The following AKAP6 variants were observed in gnomAD, a reference collection of about 807,000 sequenced individuals.
AKAP6 encodes the protein A-kinase anchoring protein 6, also known as A-kinase anchor protein 6.
In AKAP6, 58 loss-of-function variants were observed where a neutral mutation model predicts 188.5. The observed-to-expected ratio is 0.31, with a 90% CI of 0.25 to 0.38. The LOEUF (loss-of-function observed/expected upper bound fraction) is 0.38. Among genes scored for constraint, AKAP6 ranks in the 10% least tolerant of loss-of-function variants. AKAP6 has a pLI of 1.00. For synonymous variants in AKAP6, 989 were observed against 998.6 expected (o/e 0.99, Z 0.18); for missense variants, 2,710 against 2,740.0 (o/e 0.99, Z 0.24).
At chr14:32,767,993 C>G (rs2032770539) in intron 11 of AKAP6, among the ~76,000 whole-genome samples, 1 of 152,178 alleles carries the variant, frequency 6.6e-6, no homozygotes. Context: ...GCCACCAGCT[C>G]TTAAGAACAG....
At chr14:32,465,954 C>A (rs1269939587) in intron 2 of AKAP6, among the ~76,000 whole-genome samples, 2 of 152,160 alleles carry the variant, frequency 1.3e-5, no homozygotes, top group African/African-American at 2.4e-5. Context: ...GACATTTATG[C>A]AGCCAACAAA....
intron 13 of AKAP6, among the ~76,000 whole-genome samples, chr14:32,825,531 G>A (rs548709969): frequency 6.6e-6 from 1 of 152,270 alleles, no homozygotes; most frequent in South Asian, 2.1e-4. Context: ...AAGGTGACAG[G>A]CTGATTTCCA....
At chr14:32,621,604 T>C (rs1886817479) in intron 7 of AKAP6, among the ~76,000 whole-genome samples, 1 of 152,150 alleles carries the variant, frequency 6.6e-6, no homozygotes, top group African/African-American at 2.4e-5. Context: ...ATGGTCTATC[T>C]TGGAGAATGT....
intron 7 of AKAP6, among the ~76,000 whole-genome samples, chr14:32,673,429 T>C (rs1487691606): frequency 6.6e-6 from 1 of 152,148 alleles, no homozygotes; most frequent in Non-Finnish European, 1.5e-5. Flanking sequence ...TCAGTAAACA[T>C]ATGAGTAATA....
chr14:32,517,581 G>A (rs149467970), intron 2 of AKAP6, among the ~76,000 whole-genome samples: 7 of 152,312 alleles, frequency 4.6e-5, no homozygotes, highest in African/African-American at 1.4e-4. Context: ...CTATGCCCAC[G>A]GAGCCTCGCT....
At chr14:32,673,653 T>C (rs903237963) in intron 7 of AKAP6, among the ~76,000 whole-genome samples, 17 of 152,274 alleles carry the variant, frequency 1.1e-4, no homozygotes, top group African/African-American at 4.1e-4. Context: ...GAGATTCGCT[T>C]GAACCTGGGA....
chr14:32,506,757 T>C (rs1053252884), intron 2 of AKAP6, among the ~76,000 whole-genome samples: 3 of 152,022 alleles, frequency 2.0e-5, no homozygotes, highest in African/African-American at 7.2e-5. Flanking sequence ...GGTCTTGAAC[T>C]CTTGACCTCA....
chr14:32,436,642 C>G, intron 2 of AKAP6, among the ~76,000 whole-genome samples: 1 of 152,176 alleles, frequency 6.6e-6, no homozygotes, highest in East Asian at 1.9e-4. Context: ...CCAATGGGAT[C>G]TTTTAAATAC....
intron 12 of AKAP6, among the ~76,000 whole-genome samples, chr14:32,787,524 C>A (rs80280268): frequency 0.15 from 21,662 of 147,008 alleles, 1,724 homozygotes; most frequent in Middle Eastern, 0.27. Context: ...TCACCCCCCC[C>A]AAAAAAATTA....
chr14:32,510,488 G>GTATATATATATA (rs1881199547), intron 2 of AKAP6, among the ~76,000 whole-genome samples: 1 of 118,376 alleles, frequency 8.4e-6, no homozygotes, highest in African/African-American at 3.3e-5. Context: ...ATATATATAT[G>GTATATATATATA]TGTATATATA....
chr14:32,773,529 T>A, intron 11 of AKAP6, 149 bp from the exon 12 acceptor site: 1 of 741,426 alleles, frequency 1.3e-6, no homozygotes, highest in Non-Finnish European at 2.2e-6. Flanking sequence ...AGGCCTCCAT[T>A]CTAAAAGGGA....
chr14:32,425,043 A>G (rs1234362576), intron 1 of AKAP6, among the ~76,000 whole-genome samples: 1 of 152,094 alleles, frequency 6.6e-6, no homozygotes, highest in Non-Finnish European at 1.5e-5. Context: ...TATTTCTGTC[A>G]TTAGGTCTTT....
chr14:32,708,553 A>G (rs1352379840), intron 9 of AKAP6, among the ~76,000 whole-genome samples: 2 of 152,120 alleles, frequency 1.3e-5, no homozygotes, highest in African/African-American at 4.8e-5. Flanking sequence ...AACACTTTTG[A>G]AACTTTCTCC....
At chr14:32,737,492 C>A (rs2031483336) in intron 11 of AKAP6, among the ~76,000 whole-genome samples, 1 of 152,062 alleles carries the variant, frequency 6.6e-6, no homozygotes, top group Non-Finnish European at 1.5e-5. Context: ...TACAGAGTAA[C>A]AATTTTTTAC....
In AKAP6 at chr14:32,390,311, A is replaced by G. The variant is rs187934792; in HGVS notation, c.-34-43149A>G. Among the ~76,000 whole-genome samples, 284 of 152,284 alleles carry G rather than the reference A, an allele frequency of 1.9e-3. 1 individual carries two copies. The highest frequency in any genetic ancestry group is 6.4e-3 in the African/African-American group (265 of 41,568). On this transcript the variant is annotated intron_variant, in intron 1 of 13. Transcript: ENST00000280979. ...TTCACCTTTCTCTGGCACCTCCCTG[A>G]TTAGCTTAATAACTAACCTCCTGAA...
At position 32,492,355 on chromosome 14, in the gene AKAP6, T is replaced by TATATATATAGAGAGAGAGAGAGAG; in HGVS notation, c.325-43198_325-43197insTATATATAGAGAGAGAGAGAGAGA. On this transcript the variant is annotated intron_variant, in intron 2 of 13. Coordinates refer to ENST00000280979, the MANE Select transcript of AKAP6 (RefSeq NM_004274.5). ...ACATTGTAATATATATATATATATA[T>TATATATATAGAGAGAGAGAGAGAG]AGAGAGAGAGAGAGAGAGAGAGAGA... Among the ~76,000 whole-genome samples the TATATATATAGAGAGAGAGAGAGAG allele has an allele frequency of 9.7e-4, 80 of 82,596 alleles. No homozygotes were observed. The East Asian group carries it at 0.012, about 12-fold the overall frequency. 54.2% of individuals were successfully genotyped at this position (82,596 alleles called of 152,430 possible).
At chr14:32,768,801 G>A (rs1416042904) in intron 11 of AKAP6, among the ~76,000 whole-genome samples, 1 of 152,104 alleles carries the variant, frequency 6.6e-6, no homozygotes, top group Non-Finnish European at 1.5e-5. Flanking sequence ...GCTTGTTAAA[G>A]CATGGTTCAT....
chr14:32,762,624 G>A (rs2139950774), intron 11 of AKAP6, among the ~76,000 whole-genome samples: 1 of 152,030 alleles, frequency 6.6e-6, no homozygotes, highest in East Asian at 1.9e-4. Flanking sequence ...AAGCCAAGAG[G>A]AATAGAAATG....
chr14:32,786,300 T>TTTTTTTTTTTG (rs1566710173), intron 12 of AKAP6, among the ~76,000 whole-genome samples: 12 of 52,298 alleles, frequency 2.3e-4, no homozygotes, highest in Admixed American at 2.4e-4. Context: ...ACCTTTATCT[T>TTTTTTTTTTTG]TTTTTTTTTT....
Sources: allele counts gnomAD v4.1 joint callset (sites outside exome capture counted in the v4.1 genomes callset), GRCh38; gene constraint gnomAD v4.1.1; transcripts MANE v1.5; gene names NCBI Gene and HGNC (gene_info 2026-07-23, HGNC 2026-07-21).